The following ARB2A variants were observed in gnomAD, a reference collection of about 807,000 sequenced individuals.
The protein encoded by ARB2A is cotranscriptional regulator ARB2A.
the ARB2A span, among the ~76,000 whole-genome samples, chr5:93,794,214 T>C: frequency 6.6e-6 from 1 of 152,240 alleles, no homozygotes; most frequent in Non-Finnish European, 1.5e-5. Flanking sequence ...ATTCCATTGC[T>C]GAGACTTTCC....
chr5:93,741,673 A>G, the ARB2A span: 2 of 1,318,402 alleles, frequency 1.5e-6, no homozygotes, highest in Non-Finnish European at 2.0e-6. Flanking sequence ...AGAAGGCGTT[A>G]CAAGCCAAGG....
the ARB2A span, among the ~76,000 whole-genome samples, chr5:94,084,496 G>C: frequency 1.3e-5 from 2 of 152,102 alleles, no homozygotes; most frequent in African/African-American, 2.4e-5. Flanking sequence ...GTAGATCTAA[G>C]GGAATTCTAC....
At chr5:93,679,054 A>G in the ARB2A span, among the ~76,000 whole-genome samples, 7 of 152,230 alleles carry the variant, frequency 4.6e-5, no homozygotes, top group Admixed American at 4.6e-4. Flanking sequence ...TGAAGTTCAT[A>G]ACAATTTCTA....
the ARB2A span, among the ~76,000 whole-genome samples, chr5:93,970,383 C>T: frequency 4.6e-5 from 7 of 151,994 alleles, no homozygotes; most frequent in Admixed American, 2.6e-4. Context: ...CAAATAAAAT[C>T]TTAGAAAACA....
At chr5:93,683,837 T>C in the ARB2A span, among the ~76,000 whole-genome samples, 4 of 152,202 alleles carry the variant, frequency 2.6e-5, no homozygotes, top group East Asian at 5.8e-4. Context: ...TTTAAAGATA[T>C]ATATTTTGAA....
chr5:93,666,519 T>C, the ARB2A span, among the ~76,000 whole-genome samples: 1 of 151,104 alleles, frequency 6.6e-6, no homozygotes, highest in Admixed American at 6.6e-5. Flanking sequence ...TTTTTTTTTT[T>C]AAATATAGGA....
At chr5:93,823,068 T>C in the ARB2A span, among the ~76,000 whole-genome samples, 5 of 152,176 alleles carry the variant, frequency 3.3e-5, no homozygotes, top group Admixed American at 2.6e-4. Flanking sequence ...CAATCAATAT[T>C]GTGTCTCTGG....
At chr5:94,025,760 A>C in the ARB2A span, among the ~76,000 whole-genome samples, 3 of 152,258 alleles carry the variant, frequency 2.0e-5, no homozygotes, top group Admixed American at 2.0e-4. Flanking sequence ...AAAGCAGGTT[A>C]ATAATGATAT....
chr5:93,950,117 T>C, the ARB2A span, among the ~76,000 whole-genome samples: 2 of 152,208 alleles, frequency 1.3e-5, no homozygotes, highest in African/African-American at 2.4e-5. Context: ...CATCTGCTGA[T>C]GGACACTTAG....
the ARB2A span, among the ~76,000 whole-genome samples, chr5:93,800,381 T>TCACACA: frequency 0.058 from 8,208 of 140,982 alleles, 305 homozygotes; most frequent in Non-Finnish European, 0.078. Flanking sequence ...CTGCATATTT[T>TCACACA]CACACACACA....
chr5:94,000,278 A>G, the ARB2A span, among the ~76,000 whole-genome samples: 46 of 152,200 alleles, frequency 3.0e-4, no homozygotes, highest in African/African-American at 1.1e-3. Context: ...CATTCTTACC[A>G]GCAATAAATG....
the ARB2A span, among the ~76,000 whole-genome samples, chr5:93,884,342 G>A: frequency 6.6e-6 from 1 of 151,600 alleles, no homozygotes; most frequent in African/African-American, 2.4e-5. Flanking sequence ...TTTGAAATAA[G>A]ACTCTGAAAT....
chr5:93,678,096 T>C, the ARB2A span, among the ~76,000 whole-genome samples: 3 of 152,218 alleles, frequency 2.0e-5, no homozygotes, highest in African/African-American at 7.2e-5. Flanking sequence ...AGCAGCATAT[T>C]CTTTGGGAAA....
the ARB2A span, among the ~76,000 whole-genome samples, chr5:93,743,904 G>C: frequency 6.6e-6 from 1 of 152,044 alleles, no homozygotes; most frequent in Non-Finnish European, 1.5e-5. Context: ...CTGACCTTGT[G>C]ATCCGCCTGC....
At chr5:94,063,385 T>C in the ARB2A span, among the ~76,000 whole-genome samples, 1 of 152,092 alleles carries the variant, frequency 6.6e-6, no homozygotes, top group African/African-American at 2.4e-5. Context: ...TAGCCTGTCG[T>C]ACCTACCATC....
At chr5:93,833,815 T>C in the ARB2A span, among the ~76,000 whole-genome samples, 2 of 152,360 alleles carry the variant, frequency 1.3e-5, no homozygotes, top group African/African-American at 4.8e-5. Context: ...TTTTTACACC[T>C]TCGAATCTTT....
chr5:93,660,427 A>C, the ARB2A span, among the ~76,000 whole-genome samples: 1 of 152,112 alleles, frequency 6.6e-6, no homozygotes, highest in African/African-American at 2.4e-5. Context: ...TTTATGAAGA[A>C]AGCAGAACTT....
At chr5:93,749,484 A>T in the ARB2A span, among the ~76,000 whole-genome samples, 1 of 152,188 alleles carries the variant, frequency 6.6e-6, no homozygotes, top group Admixed American at 6.5e-5. Context: ...AAACTATGCA[A>T]AGTGAAGAAT....
chr5:93,740,992 ACTTC>A, the ARB2A span: 4 of 1,613,548 alleles, frequency 2.5e-6, no homozygotes, highest in African/African-American at 5.3e-5. Flanking sequence ...CTCTGCTTCC[ACTTC>A]CTTCAGCCAC....
Sources: gnomAD v4.1 joint callset for allele counts (sites outside exome capture counted in the v4.1 genomes callset) on GRCh38, gnomAD v4.1.1 for gene constraint, MANE v1.5 for transcripts, NCBI Gene and HGNC (gene_info 2026-07-23, HGNC 2026-07-21) for gene names.